Variants in SUGCT observed in about 807,000 individuals in gnomAD.
The protein encoded by SUGCT is succinyl-CoA:glutarate-CoA transferase, also known as succinyl-CoA:glutarate CoA-transferase.
In SUGCT, 41 loss-of-function variants were observed where a neutral mutation model predicts 55.0. The ratio of observed to expected loss-of-function variants is 0.74; its 90% CI spans 0.58 to 0.97. The LOEUF (loss-of-function observed/expected upper bound fraction) is 0.97, where lower values mean the gene tolerates loss of function less well. SUGCT is among the 50% of genes least tolerant of loss of function. The pLI is 0.00. For synonymous variants in SUGCT, 187 were observed against 200.4 expected, an observed-to-expected ratio of 0.93 and a Z score of 0.56; for missense variants, 568 against 547.8, an observed-to-expected ratio of 1.04 and a Z score of -0.37.
At chr7:40,266,575 T>C (rs558495065) in intron 7 of SUGCT, among the ~76,000 whole-genome samples, 1 of 151,844 alleles carries the variant, frequency 6.6e-6, no homozygotes, top group East Asian at 1.9e-4. Flanking sequence ...TTATCATTGA[T>C]AATTTCTTTT....
chr7:40,463,159 A>G (rs188675860), intron 11 of SUGCT, among the ~76,000 whole-genome samples: 6 of 152,290 alleles, frequency 3.9e-5, no homozygotes, highest in Admixed American at 3.9e-4. Context: ...ACTTATAGAC[A>G]CTTTCCTTGC....
intron 6 of SUGCT, among the ~76,000 whole-genome samples, chr7:40,198,034 A>C (rs1210817443): frequency 2.0e-5 from 3 of 152,210 alleles, no homozygotes; most frequent in African/African-American, 7.2e-5. Context: ...ATAATTCAGT[A>C]GTTCTCAGAC....
intron 6 of SUGCT, among the ~76,000 whole-genome samples, chr7:40,234,369 T>G (rs770811809): frequency 2.6e-4 from 40 of 152,252 alleles, no homozygotes; most frequent in Non-Finnish European, 2.2e-4. Flanking sequence ...CTTTGAAGGC[T>G]GGAATCCCGG....
intron 12 of SUGCT, among the ~76,000 whole-genome samples, chr7:40,557,314 A>G (rs543053034): frequency 6.6e-6 from 1 of 152,212 alleles, no homozygotes; most frequent in Non-Finnish European, 1.5e-5. Flanking sequence ...ATTGTATCCT[A>G]TCTTGAGATA....
chr7:40,291,826 G>A (rs1006646729), intron 8 of SUGCT, among the ~76,000 whole-genome samples: 6 of 152,062 alleles, frequency 3.9e-5, no homozygotes, highest in Non-Finnish European at 5.9e-5. Context: ...TGTGATAATG[G>A]TAGCAAGAAG....
chr7:40,394,217 GCAT>G (rs1343643813), intron 9 of SUGCT, among the ~76,000 whole-genome samples: 3 of 152,034 alleles, frequency 2.0e-5, no homozygotes, highest in Non-Finnish European at 1.5e-5. Flanking sequence ...CAGAAATTCT[GCAT>G]CATCAATATT....
rs151006879 is a variant in SUGCT at position 40,668,280 on chromosome 7, C to T, written c.1090-81154C>T. 4.0e-4 allele frequency among the ~76,000 whole-genome samples: 61 copies of T among 152,204 alleles called. No individual in the cohort carries two copies. The East Asian group carries it at 8.5e-3, about 21-fold the overall frequency. On this transcript the variant is annotated intron_variant, in intron 12 of 13. Coordinates refer to ENST00000335693, the MANE Select transcript of SUGCT (RefSeq NM_001193313.2). Reference sequence around the variant, plus strand: ...TAAAATTATTTCTTTCAAACAACTCCGAGGTATTTAATGGTTTTCTGCCAT... The same window carrying T: ...TAAAATTATTTCTTTCAAACAACTCTGAGGTATTTAATGGTTTTCTGCCAT...
intron 6 of SUGCT, among the ~76,000 whole-genome samples, chr7:40,222,106 A>AGCTGGTGGTGT (rs1453587599): frequency 3.9e-5 from 6 of 152,228 alleles, no homozygotes; most frequent in Non-Finnish European, 5.9e-5. Context: ...GGCAGAAGGA[A>AGCTGGTGGTGT]GCTGGTGGTG....
At chr7:40,649,403 G>A (rs1008407042) in intron 12 of SUGCT, among the ~76,000 whole-genome samples, 1 of 151,926 alleles carries the variant, frequency 6.6e-6, no homozygotes, top group Non-Finnish European at 1.5e-5. Context: ...TTTACAGATG[G>A]GGGGGGAAGG....
At chr7:40,513,000 A>G (rs1302016915) in intron 12 of SUGCT, among the ~76,000 whole-genome samples, 1 of 152,174 alleles carries the variant, frequency 6.6e-6, no homozygotes, top group East Asian at 1.9e-4. Flanking sequence ...CTGAGTATCA[A>G]TATCCTTCTG....
chr7:40,466,067 T>A (rs1790091963), intron 11 of SUGCT, among the ~76,000 whole-genome samples: 1 of 152,052 alleles, frequency 6.6e-6, no homozygotes, highest in Non-Finnish European at 1.5e-5. Flanking sequence ...ATAATTTTTT[T>A]TAAAAAGATA....
At chr7:40,630,305 C>T (rs746489857) in intron 12 of SUGCT, among the ~76,000 whole-genome samples, 7 of 152,194 alleles carry the variant, frequency 4.6e-5, no homozygotes, top group African/African-American at 1.7e-4. Context: ...CCCTGCTTCC[C>T]GTTGACCCTC....
chr7:40,858,898 G>A (rs752421196), intron 13 of SUGCT, among the ~76,000 whole-genome samples: 5 of 152,192 alleles, frequency 3.3e-5, no homozygotes, highest in African/African-American at 7.2e-5. Context: ...GCAGCTTGAC[G>A]GTGTTAGGAG....
the SUGCT span, among the ~76,000 whole-genome samples, chr7:40,976,074 G>A: frequency 5.9e-5 from 9 of 152,294 alleles, no homozygotes; most frequent in South Asian, 1.9e-3. Context: ...TGAGGGTCAG[G>A]GTTGGATGGT....
intron 9 of SUGCT, among the ~76,000 whole-genome samples, chr7:40,324,240 A>ATAT (rs1562681019): frequency 1.9e-5 from 1 of 51,614 alleles, no homozygotes; most frequent in African/African-American, 7.0e-5. Flanking sequence ...TATATAAATA[A>ATAT]ATAAATAAAT....
chr7:40,237,179 C>T (rs1584417963), intron 6 of SUGCT, among the ~76,000 whole-genome samples: 1 of 151,044 alleles, frequency 6.6e-6, no homozygotes, highest in African/African-American at 2.4e-5. Flanking sequence ...CGCGGTGGCT[C>T]ATGCCTGTAA....
intron 12 of SUGCT, among the ~76,000 whole-genome samples, chr7:40,688,156 C>T (rs893508679): frequency 9.2e-5 from 14 of 152,150 alleles, no homozygotes; most frequent in Admixed American, 4.6e-4. Flanking sequence ...GCAGAGACCT[C>T]GGGACTGCCA....
intron 12 of SUGCT, among the ~76,000 whole-genome samples, chr7:40,645,959 G>A (rs1800484974): frequency 1.3e-5 from 2 of 152,060 alleles, no homozygotes; most frequent in African/African-American, 4.8e-5. Context: ...CATCTCCATT[G>A]GGATACTGGA....
intron 12 of SUGCT, among the ~76,000 whole-genome samples, chr7:40,555,301 CTT>C (rs11288248): frequency 4.9e-5 from 7 of 144,326 alleles, no homozygotes; most frequent in African/African-American, 1.3e-4. Flanking sequence ...TCCTCTTTGT[CTT>C]TTTTTTTTTT....
Sources: gnomAD v4.1 joint callset for allele counts (sites outside exome capture counted in the v4.1 genomes callset) on GRCh38, gnomAD v4.1.1 for gene constraint, MANE v1.5 for transcripts, NCBI Gene and HGNC (gene_info 2026-07-23, HGNC 2026-07-21) for gene names.